Variants in HHLA2 observed in about 807,000 individuals in gnomAD.
HHLA2 encodes HHLA2 member of B7 family.
Under a neutral mutation model 45.9 loss-of-function variants are expected in HHLA2, and 48 were observed. The observed-to-expected ratio is 1.05, with a 90% CI of 0.83 to 1.33. HHLA2 has a LOEUF of 1.33. HHLA2 is among the 40% of genes most tolerant of loss of function. The pLI is 0.00. For missense variants in HHLA2, 462 were observed against 494.3 expected (o/e 0.93, Z 0.62); for synonymous variants, 161 against 173.9 (o/e 0.93, Z 0.59).
intron 6 of HHLA2, among the ~76,000 whole-genome samples, chr3:108,356,029 C>CTTTTTT (rs3053487): frequency 1.4e-4 from 17 of 118,224 alleles, no homozygotes; most frequent in South Asian, 5.3e-4. Context: ...ATTTGTTTTC[C>CTTTTTT]TTTTTTTTTT....
intron 3 of HHLA2, among the ~76,000 whole-genome samples, chr3:108,340,286 G>A (rs2081541554): frequency 6.6e-6 from 1 of 152,230 alleles, no homozygotes; most frequent in Non-Finnish European, 1.5e-5. Flanking sequence ...GGAAGCCAAT[G>A]CAAGGAGACT....
intron 2 of HHLA2, among the ~76,000 whole-genome samples, chr3:108,323,642 T>G (rs1021295970): frequency 2.0e-5 from 3 of 152,204 alleles, no homozygotes; most frequent in Admixed American, 2.0e-4. Flanking sequence ...CAACTGAGAT[T>G]ATTCATATTA....
chr3:108,365,813 T>C (rs1045984173), intron 8 of HHLA2, among the ~76,000 whole-genome samples: 2 of 152,216 alleles, frequency 1.3e-5, no homozygotes, highest in Non-Finnish European at 2.9e-5. Context: ...GGAATGCTTG[T>C]GATTTTTGCA....
chr3:108,362,102 A>G (rs1393026270), intron 7 of HHLA2, among the ~76,000 whole-genome samples: 1 of 152,172 alleles, frequency 6.6e-6, no homozygotes, highest in Non-Finnish European at 1.5e-5. Context: ...AGATACACTG[A>G]GACTAGGAGA....
At chr3:108,331,254 G>A (rs1478554556) in intron 3 of HHLA2, among the ~76,000 whole-genome samples, 2 of 151,930 alleles carry the variant, frequency 1.3e-5, no homozygotes, top group African/African-American at 4.8e-5. Context: ...ATCTCTATGG[G>A]GATTTGTATT....
At chr3:108,324,264 A>AT (rs1310455197) in intron 2 of HHLA2, among the ~76,000 whole-genome samples, 3 of 152,196 alleles carry the variant, frequency 2.0e-5, no homozygotes, top group African/African-American at 7.2e-5. Context: ...TTGAGAAATT[A>AT]TTTATGTGAA....
chr3:108,311,181 T>C (rs1185685991), intron 2 of HHLA2, among the ~76,000 whole-genome samples: 1 of 152,196 alleles, frequency 6.6e-6, no homozygotes, highest in African/African-American at 2.4e-5. Flanking sequence ...CTTTCTGTGT[T>C]TTCTAATAAG....
chr3:108,342,072 AG>A (rs1560231800), intron 3 of HHLA2, among the ~76,000 whole-genome samples: 2 of 152,126 alleles, frequency 1.3e-5, no homozygotes, highest in African/African-American at 4.8e-5. Context: ...TTTTCAATAG[AG>A]GCAGTCGCGT....
intron 1 of HHLA2, among the ~76,000 whole-genome samples, chr3:108,303,021 G>GTAAATATTACAAAATTTTA (rs1205206646): frequency 2.0e-5 from 3 of 152,014 alleles, no homozygotes; most frequent in Non-Finnish European, 4.4e-5. Flanking sequence ...GCTTGTTTAG[G>GTAAATATTACAAAATTTTA]CAAAAAAGTA....
intron 7 of HHLA2, among the ~76,000 whole-genome samples, chr3:108,361,542 G>A (rs1166350444): frequency 6.6e-6 from 1 of 152,072 alleles, no homozygotes; most frequent in Non-Finnish European, 1.5e-5. Context: ...CTTCCTTTAA[G>A]GGAAAGCTCT....
intron 2 of HHLA2, chr3:108,328,175 T>C: frequency 1.8e-6 from 1 of 564,600 alleles, no homozygotes; most frequent in Non-Finnish European, 2.9e-6. Context: ...CAGTTTGGTA[T>C]AATATTTTCT....
chr3:108,363,674 C>G (rs887572045), intron 8 of HHLA2, among the ~76,000 whole-genome samples: 6 of 152,126 alleles, frequency 3.9e-5, no homozygotes, highest in Non-Finnish European at 7.4e-5. Flanking sequence ...CAACCGTTGA[C>G]CTAATATACT....
intron 3 of HHLA2, among the ~76,000 whole-genome samples, chr3:108,346,965 T>C (rs759657754): frequency 5.9e-5 from 9 of 152,316 alleles, no homozygotes; most frequent in African/African-American, 2.2e-4. Context: ...TTTGCCATAT[T>C]CTATTGCAGA....
chr3:108,376,667 G>GA, intron 10 of HHLA2, 110 bp downstream of exon 9: 7 of 884,028 alleles, frequency 7.9e-6, no homozygotes, highest in African/African-American at 1.7e-5. Flanking sequence ...CTTTTATACA[G>GA]AAAAAAACAG....
chr3:108,372,940 A>G (rs1434884101), intron 8 of HHLA2, among the ~76,000 whole-genome samples: 1 of 151,730 alleles, frequency 6.6e-6, no homozygotes, highest in Non-Finnish European at 1.5e-5. Context: ...AACTATTCCA[A>G]TCAACACAAA....
At chr3:108,337,190 G>A (rs1183214453) in intron 3 of HHLA2, among the ~76,000 whole-genome samples, 1 of 152,104 alleles carries the variant, frequency 6.6e-6, no homozygotes, top group African/African-American at 2.4e-5. Context: ...ACATTTCTAT[G>A]CCTATTGTAT....
At chr3:108,324,281 C>G (rs1286575325) in intron 2 of HHLA2, among the ~76,000 whole-genome samples, 1 of 152,120 alleles carries the variant, frequency 6.6e-6, no homozygotes, top group Non-Finnish European at 1.5e-5. Flanking sequence ...TGAATACAAG[C>G]ATATATATGA....
chr3:108,317,229 A>G (rs2081117712), intron 2 of HHLA2, among the ~76,000 whole-genome samples: 1 of 152,212 alleles, frequency 6.6e-6, no homozygotes. Flanking sequence ...CCAAGGGTAG[A>G]GTTTAACGAA....
chr3:108,348,613 T>C (rs2081713363), intron 3 of HHLA2, among the ~76,000 whole-genome samples: 1 of 151,884 alleles, frequency 6.6e-6, no homozygotes, highest in Admixed American at 6.6e-5. Flanking sequence ...CCTGATGATG[T>C]AGTAGAAAGG....
Sources: gnomAD v4.1 joint callset for allele counts (sites outside exome capture counted in the v4.1 genomes callset) on GRCh38, gnomAD v4.1.1 for gene constraint, MANE v1.5 for transcripts, NCBI Gene and HGNC (gene_info 2026-07-23, HGNC 2026-07-21) for gene names.